Variants in ZFHX3 observed in about 807,000 individuals in gnomAD.
The protein encoded by ZFHX3 is zinc finger homeobox 3, also known as zinc finger homeobox protein 3.
In ZFHX3, 42 loss-of-function variants were observed where a neutral mutation model predicts 279.1. The observed-to-expected ratio is 0.15, with a 90% CI of 0.12 to 0.19. The LOEUF is 0.19. Among genes scored for constraint, ZFHX3 ranks in the 10% least tolerant of loss-of-function variants. The pLI is 1.00. For missense variants in ZFHX3, 4,981 were observed against 4,754.0 expected (o/e 1.05, Z -1.40); for synonymous variants, 2,293 against 1,957.8 (o/e 1.17, Z -4.52).
upstream of ZFHX3, among the ~76,000 whole-genome samples, chr16:73,050,440 C>G (rs1965429038): frequency 6.6e-6 from 1 of 152,174 alleles, no homozygotes; most frequent in Non-Finnish European, 1.5e-5. Flanking sequence ...TTGTTCCAGG[C>G]AAAAATTTAA....
In ZFHX3 at chr16:73,868,518, C is replaced by T. The variant is rs575622850; in HGVS notation, c.-1608+23133G>A. Among the ~76,000 whole-genome samples the T allele has an allele frequency of 5.9e-5, 9 of 152,338 alleles. No individual in the cohort carries two copies. The East Asian group carries it at 1.5e-3, about 26-fold the overall frequency. On this transcript the variant is annotated intron_variant, in intron 1 of 17. Coordinates refer to the ZFHX3 transcript ENST00000641206. The stretch of plus-strand genomic sequence containing the variant: ...CAGCCTGGGCAACAGAGCAGGATTC[C>T]ATCTCAAACAAACAAAAAAGATTTA...
intron 3 of ZFHX3, among the ~76,000 whole-genome samples, chr16:73,418,014 G>T (rs201492199): frequency 1.0e-4 from 14 of 139,040 alleles, no homozygotes; most frequent in Non-Finnish European, 1.7e-4. Flanking sequence ...AAAAAAAAAG[G>T]AAAAAGAAAA....
At chr16:73,084,232 G>C (rs1282346988) in intron 8 of ZFHX3, among the ~76,000 whole-genome samples, 2 of 152,158 alleles carry the variant, frequency 1.3e-5, no homozygotes, top group Non-Finnish European at 2.9e-5. Flanking sequence ...CAAAGTTGAA[G>C]TCCTAGCCAG....
At chr16:72,899,716 C>T (rs775261216) in intron 3 of ZFHX3, among the ~76,000 whole-genome samples, 1 of 152,100 alleles carries the variant, frequency 6.6e-6, no homozygotes, top group Non-Finnish European at 1.5e-5. Flanking sequence ...TGTTGGGTCT[C>T]GGTTTCCTTG....
At chr16:73,634,056 G>A (rs1024511282) in intron 2 of ZFHX3, among the ~76,000 whole-genome samples, 3 of 152,036 alleles carry the variant, frequency 2.0e-5, no homozygotes, top group Admixed American at 1.3e-4. Context: ...TAATATTCTT[G>A]ACATTTTTAT....
chr16:72,870,666 C>T (rs1378626092), intron 4 of ZFHX3, among the ~76,000 whole-genome samples: 4 of 138,890 alleles, frequency 2.9e-5, no homozygotes, highest in African/African-American at 1.1e-4. Flanking sequence ...TGCAGTGAGC[C>T]GAGATCGCAC....
intron 1 of ZFHX3, among the ~76,000 whole-genome samples, chr16:73,881,775 T>C (rs1019017406): frequency 4.6e-5 from 7 of 152,000 alleles, no homozygotes; most frequent in South Asian, 4.2e-4. Context: ...AAAAAGAAGC[T>C]GGCTATTATC....
intron 1 of ZFHX3, among the ~76,000 whole-genome samples, chr16:72,966,052 T>C (rs1242094819): frequency 3.3e-5 from 5 of 152,182 alleles, no homozygotes; most frequent in Non-Finnish European, 5.9e-5. Flanking sequence ...CTGTGGCCAA[T>C]TTTATAGCCG....
chr16:72,935,411 G>A (rs527398136), intron 3 of ZFHX3, among the ~76,000 whole-genome samples: 4 of 152,264 alleles, frequency 2.6e-5, no homozygotes, highest in South Asian at 2.1e-4. Context: ...GAGGCGACTC[G>A]GGGCTGCCCC....
At chr16:72,812,099 T>G (rs2036472621) in intron 5 of ZFHX3, 61 bp from the exon 6 acceptor site, 9 of 1,561,520 alleles carry the variant, frequency 5.8e-6, no homozygotes, top group Non-Finnish European at 7.8e-6. Context: ...CCAGAGGGTT[T>G]GTGTTGGGTG....
chr16:73,377,550 A>G (rs1255696004), intron 3 of ZFHX3, among the ~76,000 whole-genome samples: 1 of 152,152 alleles, frequency 6.6e-6, no homozygotes, highest in Non-Finnish European at 1.5e-5. Context: ...CTGTCTCTGC[A>G]CATCTTTCCA....
chr16:73,058,971 T>TGGCGGCTGCAGC (rs1334881537), exon 1 of ZFHX3: 1 of 161,456 alleles, frequency 6.2e-6, no homozygotes, highest in African/African-American at 2.6e-5. Flanking sequence ...GCGGCGGCGG[T>TGGCGGCTGCAGC]GGCGGCTGCA....
At chr16:73,470,575 C>G (rs1050430445) in intron 2 of ZFHX3, among the ~76,000 whole-genome samples, 11 of 152,150 alleles carry the variant, frequency 7.2e-5, no homozygotes, top group Non-Finnish European at 8.8e-5. Flanking sequence ...AGGCACAAAC[C>G]TTTCTGCTTC....
chr16:73,204,434 T>C (rs1471915392), intron 5 of ZFHX3, among the ~76,000 whole-genome samples: 1 of 152,198 alleles, frequency 6.6e-6, no homozygotes, highest in Non-Finnish European at 1.5e-5. Flanking sequence ...TCACAAGAAG[T>C]GCCCAACCTA....
chr16:73,349,049 G>A (rs757535451), intron 3 of ZFHX3, among the ~76,000 whole-genome samples: 10 of 152,120 alleles, frequency 6.6e-5, no homozygotes, highest in Non-Finnish European at 1.0e-4. Flanking sequence ...TTCTTTTGGG[G>A]GCATCAATTA....
At chr16:73,469,957 T>C (rs1204502893) in intron 2 of ZFHX3, among the ~76,000 whole-genome samples, 3 of 152,180 alleles carry the variant, frequency 2.0e-5, no homozygotes, top group Non-Finnish European at 4.4e-5. Context: ...AGCTTGGGCA[T>C]TGGGATTTTT....
rs139527385 is a variant in ZFHX3, at chr16:73,115,094, T to A, written c.-897+15874A>T. Among the ~76,000 whole-genome samples, 1,280 of 152,216 alleles carry A rather than the reference T, an allele frequency of 8.4e-3. 20 individuals carry two copies. Among genetic ancestry groups the A allele is most frequent in the African/African-American group, 0.03 (1,227 of 41,540 alleles). On this transcript the variant is annotated intron_variant, in intron 7 of 17. Transcript: ENST00000641206. ...CACCAGCAATTCTTGGGGTAGCCAA[T>A]GTCTTGAAGTTCAGGACCAACTGCC...
chr16:73,355,590 A>G (rs2016326555), intron 3 of ZFHX3, among the ~76,000 whole-genome samples: 2 of 152,200 alleles, frequency 1.3e-5, no homozygotes, highest in African/African-American at 4.8e-5. Context: ...ATGACTCTTT[A>G]GAAAAGGCAC....
intron 1 of ZFHX3, among the ~76,000 whole-genome samples, chr16:73,738,720 T>C (rs2053629099): frequency 6.6e-6 from 1 of 152,176 alleles, no homozygotes; most frequent in South Asian, 2.1e-4. Context: ...CATTGTTTTG[T>C]TGGTTCTGAT....
Sources: allele counts gnomAD v4.1 joint callset (sites outside exome capture counted in the v4.1 genomes callset), GRCh38; gene constraint gnomAD v4.1.1; transcripts MANE v1.5; gene names NCBI Gene and HGNC (gene_info 2026-07-23, HGNC 2026-07-21).